The following ERI3 variants were observed in gnomAD, a reference collection of about 807,000 sequenced individuals.
ERI3 encodes ERI1 exoribonuclease 3.
ERI3 carries 18 observed loss-of-function variants against 44.4 expected under a neutral mutation model. That is an observed-to-expected ratio of 0.41 (90% CI 0.28 to 0.60). The LOEUF (loss-of-function observed/expected upper bound fraction) is 0.60, where lower values mean the gene tolerates loss of function less well. Ranked by LOEUF, ERI3 falls within the 20% of genes least tolerant of loss-of-function variation. The pLI, the probability that ERI3 is intolerant of heterozygous loss-of-function variation, is 0.36. For synonymous variants in ERI3, 183 were observed against 164.8 expected (o/e 1.11, Z -0.84); for missense variants, 294 against 435.5 (o/e 0.68, Z 2.89).
At chr1:44,332,178 A>G (rs1473245004) in intron 3 of ERI3, among the ~76,000 whole-genome samples, 1 of 152,118 alleles carries the variant, frequency 6.6e-6, no homozygotes, top group Non-Finnish European at 1.5e-5. Context: ...TTTATGTCCA[A>G]CAAAAACTTT....
At chr1:44,308,432 T>TC in intron 5 of ERI3, 31 bp from the exon 6 acceptor site, 1 of 1,583,984 alleles carries the variant, frequency 6.3e-7, no homozygotes, top group East Asian at 2.2e-5. Flanking sequence ...AATGAGATTT[T>TC]CCTTTTTTTT....
intron 7 of ERI3, among the ~76,000 whole-genome samples, chr1:44,265,039 G>C (rs548004919): frequency 6.6e-6 from 1 of 152,172 alleles, no homozygotes; most frequent in African/African-American, 2.4e-5. Context: ...CATAAAGCCA[G>C]CCTAGCCTTG....
At chr1:44,349,700 A>G (rs928854313) in intron 2 of ERI3, among the ~76,000 whole-genome samples, 7 of 152,230 alleles carry the variant, frequency 4.6e-5, no homozygotes, top group Non-Finnish European at 1.5e-5. Context: ...GATTAGTGAT[A>G]AAAGTTATCA....
At chr1:44,311,115 T>G (rs1228453654) in intron 5 of ERI3, among the ~76,000 whole-genome samples, 1 of 151,682 alleles carries the variant, frequency 6.6e-6, no homozygotes, top group Admixed American at 6.6e-5. Context: ...CCAAGCTCAC[T>G]GTTTTATATC....
intron 8 of ERI3, among the ~76,000 whole-genome samples, chr1:44,238,367 C>T (rs1020242265): frequency 2.0e-5 from 3 of 152,082 alleles, no homozygotes; most frequent in Non-Finnish European, 4.4e-5. Flanking sequence ...CAGTGATAAT[C>T]CCTGCGGAGA....
chr1:44,345,596 A>G (rs904135857), intron 2 of ERI3, among the ~76,000 whole-genome samples: 3 of 152,190 alleles, frequency 2.0e-5, no homozygotes, highest in Non-Finnish European at 4.4e-5. Context: ...TCACAGAAAC[A>G]ACAACAAAAA....
rs376215047 is a variant in ERI3, at chr1:44,235,185, A to G, written c.931+12754T>C. Among the ~76,000 whole-genome samples, 7 of 152,100 alleles carry G rather than the reference A, an allele frequency of 4.6e-5. No homozygotes were observed. Among genetic ancestry groups the G allele is most frequent in the African/African-American group, 7.2e-5 (3 of 41,398 alleles). ...GCCACCTTGCCTGACTCAGCTCCCA[A>G]TGCATCCAAACCCCTTTATAAAAGT... On this transcript the variant is annotated intron_variant, in intron 8 of 8. Transcript: ENST00000372257. This position sits in a 1 kb window ranked among gnomAD's most constrained non-coding sequence, Gnocchi z 4.6.
intron 6 of ERI3, among the ~76,000 whole-genome samples, chr1:44,298,946 C>T (rs1158382456): frequency 2.0e-5 from 3 of 152,196 alleles, no homozygotes; most frequent in African/African-American, 4.8e-5. Context: ...TCCATTTATA[C>T]GAAAGCCAAC....
At chr1:44,251,736 G>A (rs1301577573) in intron 7 of ERI3, among the ~76,000 whole-genome samples, 1 of 152,146 alleles carries the variant, frequency 6.6e-6, no homozygotes, top group Non-Finnish European at 1.5e-5. Context: ...GGTGTGGCTG[G>A]GACAGCCAAA....
intron 7 of ERI3, among the ~76,000 whole-genome samples, chr1:44,274,633 G>C (rs1022948023): frequency 1.3e-5 from 2 of 152,164 alleles, no homozygotes; most frequent in African/African-American, 4.8e-5. Flanking sequence ...CACTCCAAGA[G>C]CTTACCCCAA....
At chr1:44,343,719 G>T (rs1646729219) in intron 2 of ERI3, among the ~76,000 whole-genome samples, 1 of 152,270 alleles carries the variant, frequency 6.6e-6, no homozygotes, top group African/African-American at 2.4e-5. Context: ...GGGGTCCAAG[G>T]TTTATATAGA....
At chr1:44,256,378 TCCCCCAA>T (rs748605991) in intron 7 of ERI3, among the ~76,000 whole-genome samples, 4 of 152,040 alleles carry the variant, frequency 2.6e-5, no homozygotes, top group South Asian at 2.1e-4. Context: ...CCTATGTATA[TCCCCCAA>T]CCCATTCCTC....
intron 2 of ERI3, among the ~76,000 whole-genome samples, chr1:44,352,387 G>A (rs896564180): frequency 6.6e-6 from 1 of 151,928 alleles, no homozygotes; most frequent in Admixed American, 6.6e-5. Flanking sequence ...GCCCAGCATG[G>A]GCAACCTAGC....
chr1:44,308,464 C>T (rs1281129857), intron 5 of ERI3, 63 bp from the exon 6 acceptor site: 18 of 1,291,874 alleles, frequency 1.4e-5, no homozygotes, highest in Admixed American at 1.7e-5. Context: ...TGAAGAGCCA[C>T]AACAGCAAAA....
chr1:44,242,015 T>TC (rs1644449689), intron 8 of ERI3: 1 of 985,350 alleles, frequency 1.0e-6, no homozygotes, highest in East Asian at 1.1e-4. Flanking sequence ...TCCAAGGGGG[T>TC]CAGCTCAGGA....
chr1:44,355,036 C>T lies in ERI3; in HGVS notation c.-10G>A. The T allele has an allele frequency of 7.2e-7, 1 of 1,380,644 alleles. No individual in the cohort carries two copies. Among genetic ancestry groups the T allele is most frequent in the Non-Finnish European group, 9.4e-7 (1 of 1,063,050 alleles). 85.5% of individuals were successfully genotyped at this position (1,380,644 alleles called of 1,614,324 possible). Reference sequence around the variant, plus strand: ...GAGAGGCTGTCGCCATGGCAACGCCCCCTCCTCGGGGCCAGCGCGGCAGGC... The same window carrying T: ...GAGAGGCTGTCGCCATGGCAACGCCTCCTCCTCGGGGCCAGCGCGGCAGGC... On this transcript the variant is annotated 5_prime_UTR_variant, in exon 1 of 9. Transcript: ENST00000372257.
At position 44,301,693 on chromosome 1, in the gene ERI3, G is replaced by A. The variant is rs79041801; in HGVS notation, c.758+6617C>T. ...TCCAGGGTGGGGAGGTTCTGGGCACGCTATTCTACTTCCCTCCACTACCCT... is the reference window on the plus strand; with the variant it reads ...TCCAGGGTGGGGAGGTTCTGGGCACACTATTCTACTTCCCTCCACTACCCT... On this transcript the variant is annotated intron_variant, in intron 6 of 8. Coordinates refer to ENST00000372257, the MANE Select transcript of ERI3 (RefSeq NM_024066.3). 8.3e-3 allele frequency among the ~76,000 whole-genome samples: 1,257 copies of A among 152,248 alleles called. 18 individuals are homozygous for A. The highest frequency in any genetic ancestry group is 0.028 in the African/African-American group (1,164 of 41,536).
chr1:44,225,306 C>T (rs1487607325), intron 8 of ERI3, among the ~76,000 whole-genome samples: 1 of 152,144 alleles, frequency 6.6e-6, no homozygotes, highest in Admixed American at 6.5e-5. Context: ...TTTTGTCTTG[C>T]TCTGTTGCCC....
intron 7 of ERI3, among the ~76,000 whole-genome samples, chr1:44,265,077 C>T (rs1469220700): frequency 1.3e-5 from 2 of 152,190 alleles, no homozygotes; most frequent in East Asian, 3.9e-4. Flanking sequence ...GCCCAACACT[C>T]CCTCCCGCAA....
Sources: gnomAD v4.1 joint callset for allele counts (sites outside exome capture counted in the v4.1 genomes callset) on GRCh38, gnomAD v4.1.1 for gene constraint, Gnocchi (gnomAD v3.1) non-coding constraint, MANE v1.5 for transcripts, NCBI Gene and HGNC (gene_info 2026-07-23, HGNC 2026-07-21) for gene names.